Variants in AGO4 observed in about 807,000 individuals in gnomAD.
AGO4 encodes the protein protein argonaute-4.
AGO4 carries 33 observed loss-of-function variants against 104.7 expected under a neutral mutation model. The ratio of observed to expected loss-of-function variants is 0.32; its 90% CI spans 0.24 to 0.42. The LOEUF (loss-of-function observed/expected upper bound fraction) is 0.42. Among genes scored for constraint, AGO4 ranks in the 10% least tolerant of loss-of-function variants. The probability of loss-of-function intolerance (pLI) is 1.00; values close to 1 mark genes in which losing one functional copy is unlikely to be tolerated. For missense variants in AGO4, 711 were observed against 1,083.4 expected (o/e 0.66, Z 4.83); for synonymous variants, 331 against 364.7 (o/e 0.91, Z 1.05).
chr1:35,841,837 T>TAC lies in AGO4; in HGVS notation c.2175+90_2175+91dup, dbSNP rs1042251377. 3 of 699,986 alleles carry TAC rather than the reference T, an allele frequency of 4.3e-6. No homozygotes were observed. The highest frequency in any genetic ancestry group is 5.3e-5 in the Admixed American group (1 of 18,858). The allele number at this position is 699,986 out of a possible 1,614,324, so 43.4% of individuals were successfully genotyped here. On this transcript the variant is annotated intron_variant, in intron 15 of 17. Transcript: ENST00000373210. The surrounding 1 kb of genome is among the most constrained non-coding windows in gnomAD (Gnocchi z 4.7). ...ATATATATATATATATATATATATA[T>TAC]ACACCATTTTTATACAATTTTTTTC...
intron 3 of AGO4, 75 bp downstream of exon 3, chr1:35,823,057 C>A: frequency 6.6e-7 from 1 of 1,519,768 alleles, no homozygotes; most frequent in Non-Finnish European, 9.0e-7. Context: ...CCTTTTCTTC[C>A]CAACACACAC....
In AGO4 at chr1:35,845,683, A is replaced by G. The variant is rs577399066; in HGVS notation, c.2175+3933A>G. 5.3e-5 allele frequency among the ~76,000 whole-genome samples: 8 copies of G among 152,164 alleles called. No individual in the cohort carries two copies. The South Asian group carries it at 1.5e-3, about 28-fold the overall frequency. Reference sequence around the variant, plus strand: ...TACTAAATCTGTATTTCCAGCCCCAATCTACTCTTCAGCTCCTGATTTGTA... The same window carrying G: ...TACTAAATCTGTATTTCCAGCCCCAGTCTACTCTTCAGCTCCTGATTTGTA... On this transcript the variant is annotated intron_variant, in intron 15 of 17. Transcript: ENST00000373210.
At chr1:35,822,342 G>T (rs535213885) in intron 2 of AGO4, among the ~76,000 whole-genome samples, 2 of 152,100 alleles carry the variant, frequency 1.3e-5, no homozygotes, top group East Asian at 1.9e-4. Context: ...CACAACCTCC[G>T]CTTCCCAGGT....
intron 1 of AGO4, 90 bp from the exon 2 acceptor site, chr1:35,816,792 C>T (rs568555307): frequency 1.5e-6 from 2 of 1,332,076 alleles, no homozygotes; most frequent in Admixed American, 5.5e-5. Flanking sequence ...GAGCGAAACT[C>T]TGTCTCAAAA....
At chr1:35,846,823 T>C (rs1302120627) in intron 15 of AGO4, among the ~76,000 whole-genome samples, 1 of 151,812 alleles carries the variant, frequency 6.6e-6, no homozygotes, top group African/African-American at 2.4e-5. Flanking sequence ...TCAGAATCCA[T>C]GGGGGATTGG....
In AGO4 at chr1:35,853,954, T is replaced by C. The variant is rs944169123; in HGVS notation, c.*349T>C. 1.2e-5 allele frequency: 2 copies of C among 167,258 alleles called. No individual in the cohort carries two copies. The highest frequency in any genetic ancestry group is 4.8e-5 in the African/African-American group (2 of 41,950). 10.4% of individuals were successfully genotyped at this position (167,258 alleles called of 1,614,324 possible). A position where few individuals can be genotyped will look rare whatever the true frequency, so the allele number is the denominator to read the frequency against. ...GGTGTTCACCGCATCCCTCTAGTCT[T>C]AGAAGAGAAGATTATTCCTTTTTTC... On this transcript the variant is annotated 3_prime_UTR_variant, in exon 18 of 18. Transcript: ENST00000373210.
chr1:35,832,362 G>T, intron 10 of AGO4, 75 bp from the exon 11 acceptor site: 7 of 1,499,238 alleles, frequency 4.7e-6, no homozygotes, highest in Non-Finnish European at 6.2e-6. Flanking sequence ...TAGTAAAATG[G>T]CCTTAGATTG....
chr1:35,819,799 TA>T (rs77771083), intron 2 of AGO4, among the ~76,000 whole-genome samples: 633 of 130,934 alleles, frequency 4.8e-3, no homozygotes, highest in East Asian at 9.3e-3. Flanking sequence ...CTCTGAGTCT[TA>T]AAAAAAAAAA....
At chr1:35,814,317 ATTTT>A (rs937149028) in intron 1 of AGO4, among the ~76,000 whole-genome samples, 12 of 151,720 alleles carry the variant, frequency 7.9e-5, no homozygotes, top group Admixed American at 6.6e-4. Context: ...TTTTTTTTAA[ATTTT>A]TTTTATTATA....
intron 7 of AGO4, among the ~76,000 whole-genome samples, chr1:35,830,773 C>G (rs1229173353): frequency 6.6e-6 from 1 of 151,656 alleles, no homozygotes; most frequent in Non-Finnish European, 1.5e-5. Flanking sequence ...GTCGGGAGTT[C>G]TAGATCAGCC....
chr1:35,837,541 G>A (rs574886240), intron 13 of AGO4, among the ~76,000 whole-genome samples: 2 of 151,640 alleles, frequency 1.3e-5, no homozygotes, highest in East Asian at 1.9e-4. Flanking sequence ...CACCATGCTC[G>A]GCTAATGTTT....
intron 2 of AGO4, among the ~76,000 whole-genome samples, chr1:35,818,797 A>G (rs1643814716): frequency 6.6e-6 from 1 of 152,180 alleles, no homozygotes; most frequent in South Asian, 2.1e-4. Context: ...GAAGGCCTCT[A>G]TCATGCAGAA....
In AGO4 at chr1:35,835,946, A is replaced by G. The variant is rs1457257096; in HGVS notation, c.1677A>G (p.Ile559Met). Residue 559 changes from isoleucine to methionine, a missense_variant, in exon 13 of 18, where the codon ATA (isoleucine) becomes ATG (methionine). Ile to Met is a conservative substitution (Grantham distance 10). This residue lies in a region of AGO4 where 401 missense variants were observed against 665.5 expected (regional missense o/e 0.60). Transcript: ENST00000373210. The stretch of plus-strand genomic sequence containing the variant: ...CCCTTTCCAATCTTTGCCTGAAGAT[A>G]AATGCAAAACTTGGAGGAATTAACA... ...PQTLSNLCLKINAKLGGINNV... is the reference protein window; with the variant it reads ...PQTLSNLCLKMNAKLGGINNV... The G allele has an allele frequency of 1.2e-6, 2 of 1,614,024 alleles. No individual in the cohort carries two copies. Among genetic ancestry groups the G allele is most frequent in the African/African-American group, 2.7e-5 (2 of 74,932 alleles).
In AGO4 at chr1:35,841,663, GGAA is replaced by G; in HGVS notation, c.2094_2096del (p.Glu698del). 6.2e-7 allele frequency: 1 copy of G among 1,613,926 alleles called. No homozygotes were observed. The highest frequency in any genetic ancestry group is 8.5e-7 in the Non-Finnish European group (1 of 1,179,982). ...CAATTCGAAAGGCATGTATTAGCTT[GGAA>G]GAAGATTACCGGCCAGGAATAACTT... On this transcript the variant is annotated inframe_deletion, in exon 15 of 18. Coordinates refer to ENST00000373210, the MANE Select transcript of AGO4 (RefSeq NM_017629.4). The surrounding 1 kb of genome is among the most constrained non-coding windows in gnomAD (Gnocchi z 4.7).
In AGO4 at chr1:35,841,685, A is replaced by T; in HGVS notation, c.2110A>T (p.Ile704Leu). 2 of 1,614,074 alleles carry T rather than the reference A, an allele frequency of 1.2e-6. No individual in the cohort carries two copies. Among genetic ancestry groups the T allele is most frequent in the Non-Finnish European group, 1.7e-6 (2 of 1,179,994 alleles). ...CTTGGAAGAAGATTACCGGCCAGGA[A>T]TAACTTATATTGTGGTGCAAAAAAG... ...ISLEEDYRPG[I>L]TYIVVQKRHH... Residue 704 changes from isoleucine to leucine, a missense_variant, in exon 15 of 18, where the codon ATA becomes TTA. Around this residue, in one of 3 missense-constraint regions of AGO4, gnomAD observed 401 missense variants for 665.5 expected, o/e 0.60. Coordinates refer to ENST00000373210, the MANE Select transcript of AGO4 (RefSeq NM_017629.4). The surrounding 1 kb of genome is among the most constrained non-coding windows in gnomAD (Gnocchi z 4.7).
chr1:35,839,108 C>G (rs1644381331), intron 13 of AGO4, among the ~76,000 whole-genome samples: 1 of 152,046 alleles, frequency 6.6e-6, no homozygotes, highest in Non-Finnish European at 1.5e-5. Context: ...AGCCTCCCAA[C>G]TAGCTGGGAC....
In AGO4 at chr1:35,841,432, T is replaced by G. The variant is rs762094419; in HGVS notation, c.1992T>G (p.Thr664=). ...ACAAATCCACACGCTTCAAACCCAC[T>G]CGGATCATCTATTACCGTGGAGGGG... ...QFYKSTRFKP[T]RIIYYRGGVS... The change falls in exon 14 of 18, where the codon ACT becomes ACG. Residue 664 remains threonine, a synonymous_variant. Coordinates refer to ENST00000373210, the MANE Select transcript of AGO4 (RefSeq NM_017629.4). The surrounding 1 kb of genome is among the most constrained non-coding windows in gnomAD (Gnocchi z 4.7). 1.2e-6 allele frequency: 2 copies of G among 1,614,166 alleles called. No individual in the cohort carries two copies. The highest frequency in any genetic ancestry group is 1.7e-6 in the Non-Finnish European group (2 of 1,180,028).
At chr1:35,843,192 A>C (rs1644489748) in intron 15 of AGO4, among the ~76,000 whole-genome samples, 1 of 151,978 alleles carries the variant, frequency 6.6e-6, no homozygotes, top group Non-Finnish European at 1.5e-5. Flanking sequence ...CACCCTCCTG[A>C]GTAGCTGGGA....
intron 1 of AGO4, among the ~76,000 whole-genome samples, chr1:35,814,041 C>G (rs1643605969): frequency 6.7e-6 from 1 of 149,434 alleles, no homozygotes; most frequent in Non-Finnish European, 1.5e-5. Flanking sequence ...CACCACTGCC[C>G]TCCAGCCTGG....
Sources: allele counts gnomAD v4.1 joint callset (sites outside exome capture counted in the v4.1 genomes callset), GRCh38; gene constraint gnomAD v4.1.1; regional missense constraint gnomAD v4.1.1; non-coding constraint Gnocchi (gnomAD v3.1); transcripts MANE v1.5; gene names NCBI Gene and HGNC (gene_info 2026-07-23, HGNC 2026-07-21).